Variants in SNTG1 observed in about 807,000 individuals in gnomAD.
SNTG1 encodes gamma-1-syntrophin.
SNTG1 carries 39 observed loss-of-function variants against 74.7 expected under a neutral mutation model. The observed-to-expected ratio is 0.52, with a 90% confidence interval of 0.40 to 0.68. SNTG1 has a LOEUF of 0.68. SNTG1 is among the 30% of genes least tolerant of loss of function. The pLI, the probability that SNTG1 is intolerant of heterozygous loss-of-function variation, is 0.00. For synonymous variants in SNTG1, 254 were observed against 217.1 expected (o/e 1.17, Z -1.49); for missense variants, 685 against 609.5 (o/e 1.12, Z -1.30).
intron 2 of SNTG1, among the ~76,000 whole-genome samples, chr8:50,196,692 C>T (rs770607894): frequency 6.6e-5 from 10 of 151,560 alleles, no homozygotes; most frequent in Non-Finnish European, 1.2e-4. Context: ...AGTGGTGGCT[C>T]ATGCTTGTAA....
At chr8:50,112,437 CT>C (rs2080628449) in intron 1 of SNTG1, among the ~76,000 whole-genome samples, 1 of 150,474 alleles carries the variant, frequency 6.6e-6, no homozygotes, top group South Asian at 2.1e-4. Flanking sequence ...GTGTAAAAAC[CT>C]TAATTAAAAA....
At chr8:50,162,932 G>C (rs1418737091) in intron 1 of SNTG1, among the ~76,000 whole-genome samples, 1 of 152,200 alleles carries the variant, frequency 6.6e-6, no homozygotes, top group African/African-American at 2.4e-5. Context: ...GCACAGCCGA[G>C]ATCACCATGA....
chr8:50,593,827 C>T (rs189500678), intron 13 of SNTG1, among the ~76,000 whole-genome samples: 404 of 151,888 alleles, frequency 2.7e-3, no homozygotes, highest in Non-Finnish European at 4.4e-3. Flanking sequence ...GAGCGATTCT[C>T]CTGCCTCAGC....
At chr8:50,497,291 A>G (rs1405034112) in intron 8 of SNTG1, among the ~76,000 whole-genome samples, 2 of 152,118 alleles carry the variant, frequency 1.3e-5, no homozygotes, top group South Asian at 2.1e-4. Context: ...TATTTTTCCC[A>G]TATCTATACC....
At chr8:50,725,571 T>C (rs1375149748) in intron 17 of SNTG1, among the ~76,000 whole-genome samples, 1 of 152,134 alleles carries the variant, frequency 6.6e-6, no homozygotes, top group African/African-American at 2.4e-5. Context: ...TTATCCTCTT[T>C]CCTGTCCATA....
rs376309991 is a variant in SNTG1, at chr8:50,060,665, GC to G, written c.-102-111894del. On this transcript the variant is annotated intron_variant, in intron 1 of 18. Transcript: ENST00000642720. ...TGATCTTAGGGTTTCTCACTATTAGGCCTTTCACTTGTTAAAACACCTACAG... is the reference window on the plus strand; with the variant it reads ...TGATCTTAGGGTTTCTCACTATTAGGCTTTCACTTGTTAAAACACCTACAG... Among the ~76,000 whole-genome samples the G allele has an allele frequency of 2.7e-3, 409 of 151,894 alleles. 2 individuals are homozygous for G. The highest frequency in any genetic ancestry group is 9.2e-3 in the African/African-American group (382 of 41,426).
At chr8:50,644,993 C>G (rs1030557728) in intron 13 of SNTG1, among the ~76,000 whole-genome samples, 6 of 150,864 alleles carry the variant, frequency 4.0e-5, no homozygotes, top group Non-Finnish European at 8.8e-5. Flanking sequence ...TAGGCTCAAG[C>G]GATCTGCCCA....
intron 13 of SNTG1, among the ~76,000 whole-genome samples, chr8:50,617,818 G>T (rs907632614): frequency 6.6e-5 from 10 of 152,198 alleles, no homozygotes; most frequent in Admixed American, 4.6e-4. Context: ...TACAATGTCT[G>T]TAATTTATAG....
At chr8:50,361,666 T>G (rs2091961890) in intron 2 of SNTG1, among the ~76,000 whole-genome samples, 1 of 152,094 alleles carries the variant, frequency 6.6e-6, no homozygotes, top group South Asian at 2.1e-4. Context: ...TGTGAATTTT[T>G]TTTGGGGGAG....
At chr8:50,755,274 C>T (rs148670820) in intron 18 of SNTG1, among the ~76,000 whole-genome samples, 2 of 151,856 alleles carry the variant, frequency 1.3e-5, no homozygotes, top group African/African-American at 2.4e-5. Context: ...TATCTTCCCC[C>T]CACCCCAAGA....
intron 13 of SNTG1, among the ~76,000 whole-genome samples, chr8:50,637,294 A>T (rs1012676449): frequency 6.6e-6 from 1 of 152,122 alleles, no homozygotes; most frequent in African/African-American, 2.4e-5. Flanking sequence ...CTTTAAACTC[A>T]TGAACTCTTT....
intron 8 of SNTG1, among the ~76,000 whole-genome samples, chr8:50,471,371 G>T (rs1228949857): frequency 6.6e-6 from 1 of 151,480 alleles, no homozygotes; most frequent in East Asian, 1.9e-4. Flanking sequence ...TGTCATCTAT[G>T]TATAATACTA....
At chr8:50,297,196 G>A (rs537877382) in intron 2 of SNTG1, among the ~76,000 whole-genome samples, 5 of 152,246 alleles carry the variant, frequency 3.3e-5, no homozygotes, top group South Asian at 2.1e-4. Context: ...CAGAAGATAC[G>A]TTTTACAAAC....
chr8:50,217,223 A>G (rs2084832931), intron 2 of SNTG1, among the ~76,000 whole-genome samples: 1 of 152,116 alleles, frequency 6.6e-6, no homozygotes, highest in South Asian at 2.1e-4. Context: ...ATATACTGGT[A>G]CACACCATAA....
At chr8:50,789,447 C>T (rs1358097644) in intron 18 of SNTG1, among the ~76,000 whole-genome samples, 1 of 151,952 alleles carries the variant, frequency 6.6e-6, no homozygotes, top group Non-Finnish European at 1.5e-5. Flanking sequence ...GCTTTACCTA[C>T]CATCTATGTG....
At chr8:49,982,248 C>G (rs1021055660) in intron 1 of SNTG1, among the ~76,000 whole-genome samples, 2 of 152,054 alleles carry the variant, frequency 1.3e-5, no homozygotes, top group Non-Finnish European at 2.9e-5. Context: ...TTATAAGTCT[C>G]AGTGGTATGC....
At chr8:49,957,168 AC>A (rs764497348) in intron 1 of SNTG1, among the ~76,000 whole-genome samples, 41 of 152,256 alleles carry the variant, frequency 2.7e-4, no homozygotes, top group Non-Finnish European at 5.7e-4. Flanking sequence ...GTGCTTCTGC[AC>A]CCCTAACTGG....
intron 17 of SNTG1, among the ~76,000 whole-genome samples, chr8:50,729,783 C>A (rs538724288): frequency 1.8e-4 from 27 of 152,260 alleles, no homozygotes; most frequent in African/African-American, 6.3e-4. Flanking sequence ...AAGGGCTAGT[C>A]ATACTTAAGG....
intron 1 of SNTG1, among the ~76,000 whole-genome samples, chr8:49,924,516 A>G (rs528479149): frequency 1.3e-5 from 2 of 152,274 alleles, no homozygotes; most frequent in Admixed American, 6.5e-5. Flanking sequence ...AAGTGAGCAG[A>G]GCCGGGCTAA....
Sources: allele counts gnomAD v4.1 joint callset (sites outside exome capture counted in the v4.1 genomes callset), GRCh38; gene constraint gnomAD v4.1.1; transcripts MANE v1.5; gene names NCBI Gene and HGNC (gene_info 2026-07-23, HGNC 2026-07-21).